Variants in PID1 observed in about 807,000 individuals in gnomAD.
PID1 encodes the protein phosphotyrosine interaction domain containing 1, also known as PTB-containing, cubilin and LRP1-interacting protein.
In PID1, 10 loss-of-function variants were observed where a neutral mutation model predicts 19.1. The ratio of observed to expected loss-of-function variants is 0.52; its 90% confidence interval spans 0.32 to 0.89. The LOEUF is 0.89. Ranked by LOEUF, PID1 falls within the 40% of genes least tolerant of loss-of-function variation. The pLI is 0.03. For missense variants in PID1, 248 were observed against 285.3 expected, an observed-to-expected ratio of 0.87 and a Z score of 0.94; for synonymous variants, 130 against 116.0, an observed-to-expected ratio of 1.12 and a Z score of -0.78.
At chr2:229,250,712 C>T (rs547757305) in intron 1 of PID1, among the ~76,000 whole-genome samples, 4 of 152,140 alleles carry the variant, frequency 2.6e-5, no homozygotes, top group Non-Finnish European at 5.9e-5. Context: ...AGTTCTCATC[C>T]CTGAGGTGTT....
At chr2:229,080,027 G>C (rs1481211548) in intron 2 of PID1, among the ~76,000 whole-genome samples, 1 of 152,052 alleles carries the variant, frequency 6.6e-6, no homozygotes, top group East Asian at 1.9e-4. Context: ...CAGCAACAGG[G>C]GAGGGGACAG....
chr2:229,121,786 G>C (rs1186486123), intron 2 of PID1, among the ~76,000 whole-genome samples: 2 of 152,140 alleles, frequency 1.3e-5, no homozygotes, highest in Admixed American at 1.3e-4. Flanking sequence ...CTTGATCGAG[G>C]TCTAGGGACA....
chr2:229,230,455 C>A (rs1334702467), intron 1 of PID1, among the ~76,000 whole-genome samples: 1 of 152,194 alleles, frequency 6.6e-6, no homozygotes, highest in Non-Finnish European at 1.5e-5. Context: ...AGATTAAACA[C>A]CACTCAGATC....
intron 1 of PID1, among the ~76,000 whole-genome samples, chr2:229,224,097 T>C (rs1692028805): frequency 6.6e-6 from 1 of 152,238 alleles, no homozygotes; most frequent in African/African-American, 2.4e-5. Context: ...TCCATGTTGC[T>C]ACAAAGGACA....
At chr2:229,156,723 T>A (rs1464527895) in intron 1 of PID1, among the ~76,000 whole-genome samples, 1 of 152,108 alleles carries the variant, frequency 6.6e-6, no homozygotes, top group African/African-American at 2.4e-5. Context: ...AATTGTGCCA[T>A]GCCACCTCTG....
chr2:229,101,993 G>A (rs1695083093), intron 2 of PID1, among the ~76,000 whole-genome samples: 1 of 152,126 alleles, frequency 6.6e-6, no homozygotes, highest in Non-Finnish European at 1.5e-5. Flanking sequence ...TAAATGTAGA[G>A]AGGAAGGGAG....
At chr2:229,221,417 G>A (rs1049118778) in intron 1 of PID1, among the ~76,000 whole-genome samples, 32 of 152,252 alleles carry the variant, frequency 2.1e-4, no homozygotes, top group South Asian at 1.0e-3. Context: ...GCTATCCAAA[G>A]CCACCTAAAG....
rs184354853 is a variant in PID1, at chr2:229,137,075, C to T, written c.177+18743G>A. On this transcript the variant is annotated intron_variant, in intron 2 of 2. Coordinates refer to ENST00000392055, the MANE Select transcript of PID1 (RefSeq NM_001100818.2). ...TGAGAGACTATTTTTATTTTTTATA[C>T]ATTTAAGAACACTAATAAAATCAAG... Among the ~76,000 whole-genome samples the T allele has an allele frequency of 4.7e-3, 719 of 152,266 alleles. 6 individuals carry two copies. Among genetic ancestry groups the T allele is most frequent in the African/African-American group, 0.017 (689 of 41,550 alleles).
At chr2:229,147,220 A>G (rs534786940) in intron 2 of PID1, among the ~76,000 whole-genome samples, 2 of 152,340 alleles carry the variant, frequency 1.3e-5, no homozygotes, top group Admixed American at 1.3e-4. Context: ...GAAGAAATAA[A>G]TGTCTAAGTT....
intron 1 of PID1, among the ~76,000 whole-genome samples, chr2:229,205,017 T>C (rs1378613816): frequency 6.6e-6 from 1 of 152,170 alleles, no homozygotes; most frequent in Non-Finnish European, 1.5e-5. Flanking sequence ...TAGCTAATTC[T>C]ATCCCAAAGT....
intron 1 of PID1, among the ~76,000 whole-genome samples, chr2:229,174,385 G>A (rs1001090331): frequency 2.0e-5 from 3 of 152,128 alleles, no homozygotes; most frequent in African/African-American, 4.8e-5. Context: ...AGAGAAAGAA[G>A]CATTATACAA....
At chr2:229,098,540 A>G (rs915046655) in intron 2 of PID1, among the ~76,000 whole-genome samples, 4 of 152,184 alleles carry the variant, frequency 2.6e-5, no homozygotes, top group African/African-American at 7.2e-5. Flanking sequence ...CTCAGAAGAA[A>G]CATAGTCTTT....
intron 1 of PID1, among the ~76,000 whole-genome samples, chr2:229,203,401 T>G (rs768967593): frequency 9.2e-5 from 14 of 152,078 alleles, no homozygotes; most frequent in Non-Finnish European, 1.8e-4. Context: ...AAGCGAAACA[T>G]ACAGCAGGTC....
intron 2 of PID1, among the ~76,000 whole-genome samples, chr2:229,106,409 A>T (rs183794279): frequency 1.6e-4 from 24 of 152,324 alleles, no homozygotes; most frequent in Admixed American, 1.3e-3. Context: ...GGGTATTTGC[A>T]TGAATTATTC....
chr2:229,183,551 A>G (rs1308909948), intron 1 of PID1, among the ~76,000 whole-genome samples: 1 of 152,164 alleles, frequency 6.6e-6, no homozygotes, highest in African/African-American at 2.4e-5. Context: ...AGGCCTAAAT[A>G]AAACCAATGG....
rs747456430 is a variant in PID1, at chr2:229,025,931, C to A, written c.355G>T (p.Gly119Trp). The A allele has an allele frequency of 6.2e-7, 1 of 1,614,166 alleles. No individual in the cohort carries two copies. Among genetic ancestry groups the A allele is most frequent in the Non-Finnish European group, 8.5e-7 (1 of 1,179,992 alleles). Residue 119 changes from glycine to tryptophan, a missense_variant, in exon 3 of 3, where the codon GGG becomes TGG. Coordinates refer to ENST00000392055, the MANE Select transcript of PID1 (RefSeq NM_001100818.2). ...QVWLHHLDHKGEATVHMDTFQ... is the reference protein window; with the variant it reads ...QVWLHHLDHKWEATVHMDTFQ... ...GTATCCATGTGCACTGTGGCCTCCC[C>A]TTTGTGGTCGAGATGATGGAGCCAA...
intron 2 of PID1, among the ~76,000 whole-genome samples, chr2:229,082,884 G>A (rs1201619677): frequency 6.6e-6 from 1 of 151,884 alleles, no homozygotes; most frequent in South Asian, 2.1e-4. Flanking sequence ...TAACCAATGA[G>A]TGTCATTTTA....
chr2:229,150,547 T>C (rs1409873284), intron 2 of PID1, among the ~76,000 whole-genome samples: 1 of 152,244 alleles, frequency 6.6e-6, no homozygotes, highest in Non-Finnish European at 1.5e-5. Context: ...CTCCCCTTGG[T>C]ATTTCTCTTC....
intron 1 of PID1, among the ~76,000 whole-genome samples, chr2:229,237,925 T>A (rs1689757521): frequency 1.3e-5 from 2 of 152,204 alleles, no homozygotes; most frequent in Non-Finnish European, 2.9e-5. Context: ...CATTCCAATT[T>A]TAATTAATGT....
Sources: gnomAD v4.1 joint callset for allele counts (sites outside exome capture counted in the v4.1 genomes callset) on GRCh38, gnomAD v4.1.1 for gene constraint, MANE v1.5 for transcripts, NCBI Gene and HGNC (gene_info 2026-07-23, HGNC 2026-07-21) for gene names.